Variants in ROBO1 observed in about 807,000 individuals in gnomAD.
ROBO1 encodes roundabout guidance receptor 1.
ROBO1 carries 149 observed loss-of-function variants against 195.9 expected under a neutral mutation model. The observed-to-expected ratio is 0.76, with a 90% CI of 0.67 to 0.87. The LOEUF (loss-of-function observed/expected upper bound fraction) is 0.87. ROBO1 is among the 40% of genes least tolerant of loss of function. ROBO1 has a pLI of 0.00. For synonymous variants in ROBO1, 816 were observed against 733.2 expected (o/e 1.11, Z -1.82); for missense variants, 1,933 against 2,068.3 (o/e 0.93, Z 1.27).
chr3:79,760,497 C>CAAAAAAAAAAAAAA (rs71631676), intron 1 of ROBO1, among the ~76,000 whole-genome samples: 1 of 114,846 alleles, frequency 8.7e-6, no homozygotes. Context: ...AATGCAATAC[C>CAAAAAAAAAAAAAA]AAAAAAAAAA....
chr3:78,792,989 G>A (rs2084068831), intron 4 of ROBO1, among the ~76,000 whole-genome samples: 1 of 151,924 alleles, frequency 6.6e-6, no homozygotes, highest in South Asian at 2.1e-4. Context: ...TGTAGTCCCA[G>A]TGGTCCCAAG....
At chr3:79,046,006 T>C (rs773033127) in intron 3 of ROBO1, among the ~76,000 whole-genome samples, 56 of 152,180 alleles carry the variant, frequency 3.7e-4, no homozygotes, top group Non-Finnish European at 8.8e-5. Flanking sequence ...TAAGTTGGCC[T>C]TCCCTGATTC....
At chr3:79,372,137 T>C (rs2036217656) in intron 2 of ROBO1, among the ~76,000 whole-genome samples, 1 of 151,968 alleles carries the variant, frequency 6.6e-6, no homozygotes, top group Admixed American at 6.6e-5. Flanking sequence ...TGCGGTCTGG[T>C]TCTTAACAAT....
At chr3:79,615,071 A>C (rs1296224091) in intron 1 of ROBO1, among the ~76,000 whole-genome samples, 1 of 152,094 alleles carries the variant, frequency 6.6e-6, no homozygotes, top group Non-Finnish European at 1.5e-5. Context: ...CATAATGGGA[A>C]CAAGTAGTCA....
chr3:78,874,069 A>G (rs2035700860), intron 4 of ROBO1, among the ~76,000 whole-genome samples: 1 of 151,948 alleles, frequency 6.6e-6, no homozygotes. Context: ...AGTATGAGCA[A>G]CGGGCATAAG....
At position 78,761,216 on chromosome 3, in the gene ROBO1, A is replaced by G. The variant is rs1390448616; in HGVS notation, c.500-14316T>C. ...TGACCAGCTTTTGAAAATGCCCTGC[A>G]ACTTGTTTAAAAAACTATAAAACCA... On this transcript the variant is annotated intron_variant, in intron 4 of 30. Coordinates refer to ENST00000464233, the MANE Select transcript of ROBO1 (RefSeq NM_002941.4). 2.6e-5 allele frequency among the ~76,000 whole-genome samples: 4 copies of G among 151,382 alleles called. No individual in the cohort carries two copies. The Admixed American group carries it at 2.6e-4, about 10-fold the overall frequency.
At chr3:79,703,870 T>C (rs1947691436) in intron 1 of ROBO1, among the ~76,000 whole-genome samples, 1 of 152,006 alleles carries the variant, frequency 6.6e-6, no homozygotes, top group Non-Finnish European at 1.5e-5. Context: ...TTTTTGTGAC[T>C]ATCACTGTTG....
intron 1 of ROBO1, among the ~76,000 whole-genome samples, chr3:79,605,461 A>C (rs1275380103): frequency 1.3e-5 from 2 of 151,914 alleles, no homozygotes; most frequent in African/African-American, 4.8e-5. Context: ...CCTGCCCCAC[A>C]GTAACCTCGA....
At chr3:79,546,028 A>G (rs1942250949) in intron 2 of ROBO1, among the ~76,000 whole-genome samples, 1 of 152,068 alleles carries the variant, frequency 6.6e-6, no homozygotes, top group African/African-American at 2.4e-5. Context: ...CCTCTTCAGT[A>G]TGAATATCAT....
Position 78,617,800 on chromosome 3 carries a change from CGTTGATCATGGACCCCGT to C in ROBO1, c.4099_4116del (p.Thr1367_Asn1372del). ...TCCTCCTCTGAGGCTGAGCCCCAGC[CGTTGATCATGGACCCCGT>C]GACAGAGCTCTCCAGGTCCCCAACA... On this transcript the variant is annotated inframe_deletion, in exon 27 of 31. Coordinates refer to ENST00000464233, the MANE Select transcript of ROBO1 (RefSeq NM_002941.4). 1 of 1,613,900 alleles carries C rather than the reference CGTTGATCATGGACCCCGT, an allele frequency of 6.2e-7. No individual in the cohort carries two copies. Among genetic ancestry groups the C allele is most frequent in the Non-Finnish European group, 8.5e-7 (1 of 1,179,864 alleles).
rs1437418961 is a variant in ROBO1, at chr3:78,620,601, AAT to A, written c.3876-2562_3876-2561del. The stretch of plus-strand genomic sequence containing the variant: ...TTCAATAGAAATGGAAAACATTAAA[AAT>A]AAATGATTATTAAAAATATTGCAAT... On this transcript the variant is annotated intron_variant, in intron 26 of 30. Coordinates refer to ENST00000464233, the MANE Select transcript of ROBO1 (RefSeq NM_002941.4). 2.6e-5 allele frequency among the ~76,000 whole-genome samples: 4 copies of A among 152,236 alleles called. No individual in the cohort carries two copies. In the East Asian group the frequency reaches 7.7e-4, roughly 29 times the overall value.
chr3:78,859,699 AG>A (rs2034668028), intron 4 of ROBO1, among the ~76,000 whole-genome samples: 2 of 152,130 alleles, frequency 1.3e-5, no homozygotes, highest in Admixed American at 1.3e-4. Flanking sequence ...TTACTGCATG[AG>A]GGAGAGGAAC....
At chr3:79,523,279 A>T (rs1379422565) in intron 2 of ROBO1, among the ~76,000 whole-genome samples, 1 of 151,972 alleles carries the variant, frequency 6.6e-6, no homozygotes, top group East Asian at 1.9e-4. Flanking sequence ...TAAGATATCT[A>T]TGTGAGGTAA....
chr3:78,867,722 T>C (rs1253605278), intron 4 of ROBO1, among the ~76,000 whole-genome samples: 1 of 152,166 alleles, frequency 6.6e-6, no homozygotes, highest in African/African-American at 2.4e-5. Flanking sequence ...AATAACCCAG[T>C]GAGCTCTTCA....
intron 2 of ROBO1, among the ~76,000 whole-genome samples, chr3:79,198,019 T>C (rs1053139616): frequency 3.3e-5 from 5 of 152,098 alleles, no homozygotes; most frequent in African/African-American, 1.2e-4. Context: ...TTTCTTTTGC[T>C]GTGGAGAAGC....
At chr3:79,495,522 GA>G (rs1470122952) in intron 2 of ROBO1, among the ~76,000 whole-genome samples, 1 of 152,094 alleles carries the variant, frequency 6.6e-6, no homozygotes, top group African/African-American at 2.4e-5. Flanking sequence ...TATGGTTACA[GA>G]ATTAAATGGA....
chr3:79,259,570 C>T (rs34523120), intron 2 of ROBO1, among the ~76,000 whole-genome samples: 34,398 of 151,934 alleles, frequency 0.23, 4,684 homozygotes, highest in Non-Finnish European at 0.31. Flanking sequence ...CCATCCCCAC[C>T]TCCCCCTATG....
At chr3:79,142,776 T>G (rs549311830) in intron 2 of ROBO1, among the ~76,000 whole-genome samples, 12 of 152,234 alleles carry the variant, frequency 7.9e-5, no homozygotes, top group South Asian at 2.1e-4. Context: ...CCCATTTTCC[T>G]GCAAAATGGG....
chr3:79,271,608 T>C (rs1030287123), intron 2 of ROBO1, among the ~76,000 whole-genome samples: 1 of 152,102 alleles, frequency 6.6e-6, no homozygotes, highest in Non-Finnish European at 1.5e-5. Flanking sequence ...TTCCAGCTAC[T>C]GACTGTCTCC....
Sources: gnomAD v4.1 joint callset for allele counts (sites outside exome capture counted in the v4.1 genomes callset) on GRCh38, gnomAD v4.1.1 for gene constraint, MANE v1.5 for transcripts, NCBI Gene and HGNC (gene_info 2026-07-23, HGNC 2026-07-21) for gene names.